DPP6: variants seen among roughly 807,000 people sequenced by gnomAD.
DPP6 encodes the protein A-type potassium channel modulatory protein DPP6.
DPP6 carries 69 observed loss-of-function variants against 122.6 expected under a neutral mutation model. That is an observed-to-expected ratio of 0.56 (90% CI 0.46 to 0.69). The LOEUF is 0.69. Among genes scored for constraint, DPP6 ranks in the 30% least tolerant of loss-of-function variants. DPP6 has a pLI of 0.00. For synonymous variants in DPP6, 418 were observed against 433.1 expected (o/e 0.97, Z 0.43); for missense variants, 928 against 1,116.9 (o/e 0.83, Z 2.41).
chr7:154,688,559 C>T (rs1563105782), intron 7 of DPP6, among the ~76,000 whole-genome samples: 1 of 152,122 alleles, frequency 6.6e-6, no homozygotes. Flanking sequence ...TACACGATCA[C>T]AAGGTCCCAT....
chr7:154,351,010 G>A (rs1413969057), intron 1 of DPP6, among the ~76,000 whole-genome samples: 1 of 152,150 alleles, frequency 6.6e-6, no homozygotes, highest in Non-Finnish European at 1.5e-5. Context: ...TGTAGGTTCT[G>A]GAAAATATCT....
In DPP6 at chr7:153,926,863, T is replaced by C. The variant is rs1351082374; in HGVS notation, c.51+39129T>C. The stretch of plus-strand genomic sequence containing the variant: ...CCAAAATGTTTTCTGAGTATATTCT[T>C]TTATCTTACAGAAAACATCTACGTA... On this transcript the variant is annotated intron_variant, in intron 1 of 25. Transcript: ENST00000404039. 2.0e-5 allele frequency among the ~76,000 whole-genome samples: 3 copies of C among 152,334 alleles called. No individual in the cohort carries two copies. The East Asian group carries it at 5.8e-4, about 29-fold the overall frequency.
intron 21 of DPP6, among the ~76,000 whole-genome samples, chr7:154,883,302 A>C (rs1426080321): frequency 6.7e-6 from 1 of 149,406 alleles, no homozygotes; most frequent in Non-Finnish European, 1.5e-5. Context: ...ACACATGCTC[A>C]CCCATACACC....
At chr7:154,479,315 T>C (rs1351663314) in intron 3 of DPP6, among the ~76,000 whole-genome samples, 1 of 151,982 alleles carries the variant, frequency 6.6e-6, no homozygotes, top group Non-Finnish European at 1.5e-5. Flanking sequence ...CCCAGCACTT[T>C]GGGAGGCCAA....
intron 4 of DPP6, among the ~76,000 whole-genome samples, chr7:154,554,760 A>C (rs959477063): frequency 2.4e-4 from 36 of 152,224 alleles, no homozygotes; most frequent in African/African-American, 8.0e-4. Context: ...TATAAAAGTT[A>C]TGAGCAAAAT....
chr7:154,294,303 A>G (rs1431316140), intron 1 of DPP6, among the ~76,000 whole-genome samples: 2 of 152,074 alleles, frequency 1.3e-5, no homozygotes, highest in African/African-American at 4.8e-5. Context: ...AGGAGTTGGG[A>G]GTGGGGCTGG....
At chr7:154,377,254 G>A (rs765227985) in intron 1 of DPP6, among the ~76,000 whole-genome samples, 2 of 152,182 alleles carry the variant, frequency 1.3e-5, no homozygotes, top group South Asian at 2.1e-4. Context: ...GTTCCAAGAA[G>A]AGGGAAGAGC....
At chr7:153,774,472 CAAT>C in the DPP6 span, among the ~76,000 whole-genome samples, 2 of 152,130 alleles carry the variant, frequency 1.3e-5, no homozygotes, top group African/African-American at 4.8e-5. Context: ...GAGGAACTGA[CAAT>C]AAAATTTGCG....
chr7:154,637,316 A>G (rs748525073), intron 5 of DPP6, among the ~76,000 whole-genome samples: 9 of 152,206 alleles, frequency 5.9e-5, no homozygotes, highest in Non-Finnish European at 1.3e-4. Context: ...CAAAAGATGC[A>G]TATCCCGTTG....
chr7:153,774,567 G>C, the DPP6 span, among the ~76,000 whole-genome samples: 1 of 152,168 alleles, frequency 6.6e-6, no homozygotes, highest in African/African-American at 2.4e-5. Context: ...TGCCAAATGT[G>C]ACCTAAGGTT....
chr7:153,912,071 T>A (rs556544854), intron 1 of DPP6, among the ~76,000 whole-genome samples: 1 of 152,268 alleles, frequency 6.6e-6, no homozygotes, highest in African/African-American at 2.4e-5. Flanking sequence ...CCCAGTGGTG[T>A]CTGAGGCACC....
intron 5 of DPP6, among the ~76,000 whole-genome samples, chr7:154,634,595 A>G (rs1282124648): frequency 6.6e-6 from 1 of 152,078 alleles, no homozygotes; most frequent in Non-Finnish European, 1.5e-5. Flanking sequence ...GCCTAACGGT[A>G]CAGACGAACA....
intron 16 of DPP6, among the ~76,000 whole-genome samples, chr7:154,813,319 G>A (rs946883851): frequency 6.6e-6 from 1 of 152,024 alleles, no homozygotes; most frequent in African/African-American, 2.4e-5. Context: ...TCCTGACCTT[G>A]TGATCTGCCC....
chr7:154,412,954 A>G (rs973880625), intron 1 of DPP6, among the ~76,000 whole-genome samples: 1 of 152,230 alleles, frequency 6.6e-6, no homozygotes, highest in African/African-American at 2.4e-5. Context: ...TCTTAGGGAA[A>G]TACCTTGTGT....
chr7:154,469,311 A>G (rs559386337), intron 2 of DPP6, among the ~76,000 whole-genome samples: 1 of 152,280 alleles, frequency 6.6e-6, no homozygotes, highest in East Asian at 1.9e-4. Flanking sequence ...AACAATAGTT[A>G]TTTTGTTTCT....
intron 1 of DPP6, among the ~76,000 whole-genome samples, chr7:154,371,846 C>T (rs1812702801): frequency 6.6e-6 from 1 of 152,204 alleles, no homozygotes; most frequent in South Asian, 2.1e-4. Context: ...CATGACCTTT[C>T]CCTGTAACTC....
At chr7:154,293,001 G>T (rs1805308353) in intron 1 of DPP6, among the ~76,000 whole-genome samples, 1 of 152,110 alleles carries the variant, frequency 6.6e-6, no homozygotes, top group African/African-American at 2.4e-5. Flanking sequence ...TCTTCATTTG[G>T]TGTTTTATGT....
intron 5 of DPP6, among the ~76,000 whole-genome samples, chr7:154,578,145 A>G (rs1377665215): frequency 6.6e-6 from 1 of 152,230 alleles, no homozygotes; most frequent in Non-Finnish European, 1.5e-5. Flanking sequence ...GAAACAGGTT[A>G]GGACATGCTT....
intron 1 of DPP6, among the ~76,000 whole-genome samples, chr7:154,267,350 A>G (rs59980341): frequency 0.13 from 12,176 of 92,164 alleles, 895 homozygotes; most frequent in African/African-American, 0.3. Flanking sequence ...CAATAAAATT[A>G]TATATTTACT....
Sources: gnomAD v4.1 joint callset for allele counts (sites outside exome capture counted in the v4.1 genomes callset) on GRCh38, gnomAD v4.1.1 for gene constraint, MANE v1.5 for transcripts, NCBI Gene and HGNC (gene_info 2026-07-23, HGNC 2026-07-21) for gene names.